LANCL3: variants seen among roughly 807,000 people sequenced by gnomAD.
LANCL3 encodes lanC-like protein 3.
In LANCL3, 19 loss-of-function variants were observed where a neutral mutation model predicts 26.5. That is an observed-to-expected ratio of 0.72 (90% CI 0.50 to 1.05). The LOEUF is 1.05. LANCL3 is among the 50% of genes least tolerant of loss of function. The pLI, the probability that LANCL3 is intolerant of heterozygous loss-of-function variation, is 0.00. For missense variants in LANCL3, 318 were observed against 362.7 expected, an observed-to-expected ratio of 0.88 and a Z score of 1.00; for synonymous variants, 160 against 166.6, an observed-to-expected ratio of 0.96 and a Z score of 0.30.
rs192709072 is a variant in LANCL3, at chrX:37,644,681, C to T, written c.574-11007C>T. Among the ~76,000 whole-genome samples the T allele has an allele frequency of 1.3e-4, 15 of 112,450 alleles. No individual in the cohort carries two copies. In the East Asian group the frequency reaches 3.6e-3, roughly 27 times the overall value. The stretch of plus-strand genomic sequence containing the variant: ...AGGCATTTCTCTATACTCGGGAGGT[C>T]TTTTCCATATTTTCCCTGTAGCCCT... On this transcript the variant is annotated intron_variant, in intron 1 of 4. Coordinates refer to ENST00000378619, the MANE Select transcript of LANCL3 (RefSeq NM_001170331.2).
intron 1 of LANCL3, among the ~76,000 whole-genome samples, chrX:37,606,610 C>T (rs139693815): frequency 0.035 from 3,888 of 111,249 alleles, 169 homozygotes; most frequent in African/African-American, 0.12. Flanking sequence ...ATAGATGGAA[C>T]CCAGACCCTT....
intron 3 of LANCL3, among the ~76,000 whole-genome samples, chrX:37,663,642 G>A (rs782815178): frequency 1.4e-4 from 16 of 111,521 alleles, no homozygotes; most frequent in Middle Eastern, 4.6e-3. Flanking sequence ...TCCTAGAAAG[G>A]TCATTCACTC....
chrX:37,612,499 C>T (rs1057417523), intron 1 of LANCL3, among the ~76,000 whole-genome samples: 3 of 112,039 alleles, frequency 2.7e-5, no homozygotes, highest in African/African-American at 9.7e-5. Flanking sequence ...AGTGAGTTCT[C>T]CAGATGGCTG....
At chrX:37,589,177 G>T (rs781862349) in intron 1 of LANCL3, among the ~76,000 whole-genome samples, 2 of 111,063 alleles carry the variant, frequency 1.8e-5, no homozygotes, top group Admixed American at 9.6e-5. Flanking sequence ...GAGACAAAAA[G>T]AATTGCACAT....
rs35042954 is a variant in LANCL3, at chrX:37,659,481, G to C, written c.717G>C (p.Ser239=). The change falls in exon 3 of 5, where the codon TCG becomes TCC. Residue 239 remains serine, a synonymous_variant. Coordinates refer to ENST00000378619, the MANE Select transcript of LANCL3 (RefSeq NM_001170331.2). The part of the protein sequence containing the change: ...TEYLGAAHGL[S]SILQMLLSYH... ...ATACAGGGGCAGCTCACGGCTTGTC[G>C]TCTATTCTTCAGATGCTTCTTTCTT... 8.3e-7 allele frequency: 1 copy of C among 1,207,465 alleles called. No individual in the cohort carries two copies. The highest frequency in any genetic ancestry group is 1.8e-5 in the African/African-American group (1 of 57,007).
intron 1 of LANCL3, among the ~76,000 whole-genome samples, chrX:37,647,310 TCAAAAAAA>T (rs199668482): frequency 0.29 from 31,209 of 107,530 alleles, 5,289 homozygotes; most frequent in African/African-American, 0.62. Flanking sequence ...CAAGACTTCA[TCAAAAAAA>T]CAAAAAAACA....
chrX:37,571,825 A>T lies in LANCL3; in HGVS notation c.-46A>T, dbSNP rs1556415450. ...GTGGTGTGCGGGGCTGCAGGGCACG[A>T]CTTCAAGCGGTCCTCAGCTCCGCAC... On this transcript the variant is annotated 5_prime_UTR_variant, in exon 1 of 5. Coordinates refer to ENST00000378619, the MANE Select transcript of LANCL3 (RefSeq NM_001170331.2). 9.0e-7 allele frequency: 1 copy of T among 1,113,924 alleles called. No individual in the cohort carries two copies. The allele number at this position is 1,113,924 out of a possible 1,213,427, so 91.8% of individuals were successfully genotyped here. A position where few individuals can be genotyped will look rare whatever the true frequency, so the allele number is the denominator to read the frequency against.
intron 4 of LANCL3, among the ~76,000 whole-genome samples, chrX:37,669,190 C>G (rs1556435144): frequency 9.0e-6 from 1 of 111,293 alleles, no homozygotes; most frequent in African/African-American, 3.3e-5. Context: ...CTGTTTGTAG[C>G]TTATAATTTT....
intron 1 of LANCL3, among the ~76,000 whole-genome samples, chrX:37,572,898 A>G (rs1602088017): frequency 8.9e-6 from 1 of 112,019 alleles, no homozygotes; most frequent in Middle Eastern, 4.2e-3. Context: ...TGGGTCTGTA[A>G]CCAAGAATAA....
chrX:37,592,448 A>G (rs1456219378), intron 1 of LANCL3, among the ~76,000 whole-genome samples: 1 of 112,320 alleles, frequency 8.9e-6, no homozygotes, highest in Non-Finnish European at 1.9e-5. Flanking sequence ...AAATATACAA[A>G]TAGGAAAACA....
At chrX:37,598,844 T>A (rs1556419743) in intron 1 of LANCL3, among the ~76,000 whole-genome samples, 1 of 112,251 alleles carries the variant, frequency 8.9e-6, no homozygotes, top group Admixed American at 9.5e-5. Context: ...TTCCACTTTG[T>A]CTGTGGCATT....
At chrX:37,589,630 A>G (rs1377632815) in intron 1 of LANCL3, among the ~76,000 whole-genome samples, 4 of 111,605 alleles carry the variant, frequency 3.6e-5, no homozygotes, top group Admixed American at 1.9e-4. Context: ...CCCTCCTTCA[A>G]CCTACTACTT....
intron 1 of LANCL3, among the ~76,000 whole-genome samples, chrX:37,584,022 C>G (rs782557512): frequency 8.9e-6 from 1 of 111,848 alleles, no homozygotes; most frequent in South Asian, 3.8e-4. Flanking sequence ...GAGTTTTTAA[C>G]ATGAAGGGCT....
At chrX:37,592,183 T>C (rs782491054) in intron 1 of LANCL3, among the ~76,000 whole-genome samples, 66 of 111,800 alleles carry the variant, frequency 5.9e-4, no homozygotes, top group Non-Finnish European at 9.0e-4. Flanking sequence ...AGCAGTAGGT[T>C]GAAGGACGAT....
chrX:37,615,291 G>A (rs1332352373), intron 1 of LANCL3, among the ~76,000 whole-genome samples: 1 of 112,211 alleles, frequency 8.9e-6, no homozygotes, highest in African/African-American at 3.2e-5. Flanking sequence ...CCCAGGTGGT[G>A]TTGATGCTAC....
intron 1 of LANCL3, among the ~76,000 whole-genome samples, chrX:37,578,958 C>T (rs1237601797): frequency 1.0e-4 from 9 of 87,396 alleles, no homozygotes; most frequent in Admixed American, 1.5e-4. Flanking sequence ...CCAGCCTGGG[C>T]GGCAGAGTGA....
rs375332895 is a variant in LANCL3, at chrX:37,653,838, A to G, written c.574-1850A>G. On this transcript the variant is annotated intron_variant, in intron 1 of 4. Transcript: ENST00000378619. ...TAGGGTCTTCAGGAATGTTAGGAGGAGTACACTTAAGAGACAGAGAGAGTG... is the reference window on the plus strand; with the variant it reads ...TAGGGTCTTCAGGAATGTTAGGAGGGGTACACTTAAGAGACAGAGAGAGTG... 9.0e-5 allele frequency among the ~76,000 whole-genome samples: 10 copies of G among 110,769 alleles called. No individual in the cohort carries two copies. In the South Asian group the frequency reaches 3.5e-3, roughly 39 times the overall value.
At position 37,655,777 on chromosome X, in the gene LANCL3, C is replaced by A. The variant is rs1556430606; in HGVS notation, c.663C>A (p.Pro221=). 4.1e-6 allele frequency: 5 copies of A among 1,205,637 alleles called. No homozygotes were observed. Among genetic ancestry groups the A allele is most frequent in the Admixed American group, 2.2e-5 (1 of 45,586 alleles). Residue 221 remains proline (P), a synonymous_variant, in exon 2 of 5, where the codon CCC becomes CCA. Coordinates refer to ENST00000378619, the MANE Select transcript of LANCL3 (RefSeq NM_001170331.2). ...CCATAAAGAAGAGGAAACCATTCCC[C>A]CTGATGTATTCTTACTATGGAACCG... is the stretch of plus-strand genomic sequence containing the variant. ...QYAIKKRKPF[P]LMYSYYGTEY...
chrX:37,654,335 C>G (rs782502252), intron 1 of LANCL3, among the ~76,000 whole-genome samples: 10 of 112,635 alleles, frequency 8.9e-5, no homozygotes, highest in Admixed American at 1.9e-4. Context: ...AAGGAATTGG[C>G]TGGTCTAATG....
Sources: allele counts gnomAD v4.1 joint callset (sites outside exome capture counted in the v4.1 genomes callset), GRCh38; gene constraint gnomAD v4.1.1; transcripts MANE v1.5; gene names NCBI Gene and HGNC (gene_info 2026-07-23, HGNC 2026-07-21).